The following MARK1 variants were observed in gnomAD, a reference collection of about 807,000 sequenced individuals.
MARK1 encodes microtubule affinity regulating kinase 1.
A neutral mutation model predicts 96.3 loss-of-function variants in MARK1; 40 were observed. The observed-to-expected ratio is 0.42, with a 90% CI of 0.32 to 0.54. MARK1 has a LOEUF of 0.54. MARK1 is among the 20% of genes least tolerant of loss of function. MARK1 has a pLI of 0.16. For missense variants in MARK1, 719 were observed against 984.6 expected, an observed-to-expected ratio of 0.73 and a Z score of 3.61; for synonymous variants, 317 against 341.2, an observed-to-expected ratio of 0.93 and a Z score of 0.78.
intron 10 of MARK1, among the ~76,000 whole-genome samples, chr1:220,631,955 G>T (rs527462169): frequency 6.6e-6 from 1 of 152,278 alleles, no homozygotes; most frequent in East Asian, 1.9e-4. Flanking sequence ...TAGGCAATGA[G>T]AAATTAAGTG....
intron 2 of MARK1, among the ~76,000 whole-genome samples, chr1:220,580,073 A>G (rs1664129924): frequency 1.3e-5 from 2 of 152,174 alleles, no homozygotes; most frequent in African/African-American, 4.8e-5. Context: ...ATATTTGCAC[A>G]TATGTACGTT....
intron 9 of MARK1, among the ~76,000 whole-genome samples, chr1:220,620,144 T>A (rs907980652): frequency 6.6e-6 from 1 of 152,240 alleles, no homozygotes; most frequent in African/African-American, 2.4e-5. Context: ...ATGATTTTTT[T>A]ACCGAATTAT....
chr1:220,551,651 T>C (rs1236209052), intron 1 of MARK1, among the ~76,000 whole-genome samples: 2 of 152,126 alleles, frequency 1.3e-5, no homozygotes, highest in African/African-American at 4.8e-5. Flanking sequence ...AGTTAGCTAA[T>C]GTTAACACTT....
chr1:220,562,840 A>G (rs78074773), intron 1 of MARK1, among the ~76,000 whole-genome samples: 9 of 152,328 alleles, frequency 5.9e-5, no homozygotes, highest in East Asian at 3.9e-4. Context: ...TGTGGATTCA[A>G]TGTAGTATTT....
intron 3 of MARK1, among the ~76,000 whole-genome samples, chr1:220,583,681 C>T (rs1172770559): frequency 6.6e-6 from 1 of 150,886 alleles, no homozygotes; most frequent in Non-Finnish European, 1.5e-5. Context: ...CAGAGTCTTG[C>T]TCTGTTGCCC....
At chr1:220,626,906 G>A (rs528701507) in intron 9 of MARK1, 27 of 495,906 alleles carry the variant, frequency 5.4e-5, no homozygotes, top group African/African-American at 5.1e-4. Context: ...ATGCTGGGAG[G>A]AAGTGGTTCC....
intron 3 of MARK1, among the ~76,000 whole-genome samples, chr1:220,589,774 A>G (rs1262329301): frequency 6.6e-6 from 1 of 152,240 alleles, no homozygotes; most frequent in Non-Finnish European, 1.5e-5. Flanking sequence ...ATTGTGTGAC[A>G]TCACAGTTTG....
At chr1:220,649,662 A>G (rs1212336937) in intron 13 of MARK1, among the ~76,000 whole-genome samples, 4 of 152,210 alleles carry the variant, frequency 2.6e-5, no homozygotes, top group South Asian at 2.1e-4. Context: ...TGCACTACTG[A>G]AAAATTTTAA....
chr1:220,622,694 C>T lies in MARK1; in HGVS notation c.909+3939C>T, dbSNP rs920007259. On this transcript the variant is annotated intron_variant, in intron 9 of 17. Coordinates refer to ENST00000366917, the MANE Select transcript of MARK1 (RefSeq NM_018650.5). ...GGCAGATCACCTAAGTCCAGGAGAT[C>T]GAGACCAGCCTGGGCAACATGGAAA... 2.0e-5 allele frequency among the ~76,000 whole-genome samples: 3 copies of T among 152,024 alleles called. No individual in the cohort carries two copies. In the East Asian group the frequency reaches 5.8e-4, roughly 29 times the overall value.
At chr1:220,608,540 T>C (rs1303658678) in intron 6 of MARK1, among the ~76,000 whole-genome samples, 2 of 152,218 alleles carry the variant, frequency 1.3e-5, no homozygotes, top group Admixed American at 1.3e-4. Flanking sequence ...AAGGGTTTTT[T>C]TATGTCTCAA....
chr1:220,652,401 T>G (rs996258719), intron 15 of MARK1, among the ~76,000 whole-genome samples: 3 of 152,222 alleles, frequency 2.0e-5, no homozygotes, highest in African/African-American at 7.2e-5. Context: ...GTCTATAAAG[T>G]TAAAAATTGC....
intron 9 of MARK1, among the ~76,000 whole-genome samples, chr1:220,622,471 A>G (rs1479985657): frequency 1.3e-5 from 2 of 152,244 alleles, no homozygotes; most frequent in Non-Finnish European, 2.9e-5. Context: ...AAGCAAAAAA[A>G]TCAATTAATT....
intron 1 of MARK1, among the ~76,000 whole-genome samples, chr1:220,539,921 T>A (rs965109281): frequency 5.9e-5 from 9 of 152,112 alleles, no homozygotes; most frequent in Non-Finnish European, 1.0e-4. Flanking sequence ...CTTCTCTTCT[T>A]TTTGGGGGAG....
At position 220,618,859 on chromosome 1, in the gene MARK1, A is replaced by T; in HGVS notation, c.909+104A>T. The T allele has an allele frequency of 1.0e-6, 1 of 990,584 alleles. No individual in the cohort carries two copies. The highest frequency in any genetic ancestry group is 1.4e-6 in the Non-Finnish European group (1 of 698,556). The allele number at this position is 990,584 out of a possible 1,614,324, so 61.4% of individuals were successfully genotyped here. A position where few individuals can be genotyped will look rare whatever the true frequency, so the allele number is the denominator to read the frequency against. ...GTTTTCTTAGGAAAATTGCCAAATT[A>T]TCTAATCTGCCTTTTGTTTGTAGGT... On this transcript the variant is annotated intron_variant, in intron 9 of 17. Coordinates refer to ENST00000366917, the MANE Select transcript of MARK1 (RefSeq NM_018650.5). The surrounding 1 kb of genome is among the most constrained non-coding windows in gnomAD (Gnocchi z 4.6).
At chr1:220,593,205 C>A (rs936240821) in intron 3 of MARK1, among the ~76,000 whole-genome samples, 2 of 151,582 alleles carry the variant, frequency 1.3e-5, no homozygotes, top group South Asian at 2.1e-4. Context: ...TGTATTTATT[C>A]TTTATAATAT....
At chr1:220,543,819 C>T (rs1661304209) in intron 1 of MARK1, among the ~76,000 whole-genome samples, 1 of 152,232 alleles carries the variant, frequency 6.6e-6, no homozygotes, top group Non-Finnish European at 1.5e-5. Flanking sequence ...CCCTCCCAAT[C>T]TTTGTTCTTG....
Position 220,626,130 on chromosome 1 carries a change from T to A in MARK1, c.910-4905T>A. 4 of 618,030 alleles carry A rather than the reference T, an allele frequency of 6.5e-6. No homozygotes were observed. The Admixed American group carries it at 7.8e-5, about 12-fold the overall frequency. The allele number at this position is 618,030 out of a possible 1,614,324, so 38.3% of individuals were successfully genotyped here. On this transcript the variant is annotated intron_variant, in intron 9 of 17. Coordinates refer to ENST00000366917, the MANE Select transcript of MARK1 (RefSeq NM_018650.5). ...TTAATAAGCAGCAGATAGACATCGCTGTGAATTGGGCTGGGGGCCTGAACC... is the reference window on the plus strand; with the variant it reads ...TTAATAAGCAGCAGATAGACATCGCAGTGAATTGGGCTGGGGGCCTGAACC...
In MARK1 at chr1:220,632,212, A is replaced by T. The variant is rs769551109; in HGVS notation, c.1021A>T (p.Thr341Ser). ...NDTKRIDIMV[T>S]MGFARDEIND... ...TTTTAAATTTCTAGACATTATGGTC[A>T]CCATGGGCTTTGCACGAGATGAAAT... The change falls in exon 11 of 18, where the codon ACC (threonine) becomes TCC (serine). Residue 341 changes from threonine to serine, a missense_variant. By Grantham distance (58) the Thr-to-Ser change is moderately conservative. Around this residue, in one of 4 missense-constraint regions of MARK1, gnomAD observed 501 missense variants for 588.3 expected, o/e 0.85. Coordinates refer to ENST00000366917, the MANE Select transcript of MARK1 (RefSeq NM_018650.5). The T allele has an allele frequency of 3.5e-6, 5 of 1,439,586 alleles. No individual in the cohort carries two copies. Among genetic ancestry groups the T allele is most frequent in the Non-Finnish European group, 1.8e-6 (2 of 1,083,070 alleles). The allele number at this position is 1,439,586 out of a possible 1,614,324, so 89.2% of individuals were successfully genotyped here.
At chr1:220,568,335 G>A (rs1416476427) in intron 1 of MARK1, among the ~76,000 whole-genome samples, 1 of 152,144 alleles carries the variant, frequency 6.6e-6, no homozygotes, top group Non-Finnish European at 1.5e-5. Context: ...TGGACAAACT[G>A]ATATCTGAGA....
Sources: allele counts gnomAD v4.1 joint callset (sites outside exome capture counted in the v4.1 genomes callset), GRCh38; gene constraint gnomAD v4.1.1; regional missense constraint gnomAD v4.1.1; non-coding constraint Gnocchi (gnomAD v3.1); transcripts MANE v1.5; gene names NCBI Gene and HGNC (gene_info 2026-07-23, HGNC 2026-07-21).